The following MAN1C1 variants were observed in gnomAD, a reference collection of about 807,000 sequenced individuals.
The protein encoded by MAN1C1 is mannosyl-oligosaccharide 1,2-alpha-mannosidase IC.
Under a neutral mutation model 71.5 loss-of-function variants are expected in MAN1C1, and 49 were observed. That is an observed-to-expected ratio of 0.69 (90% CI 0.54 to 0.87). The LOEUF (loss-of-function observed/expected upper bound fraction) is 0.87, where lower values mean the gene tolerates loss of function less well. Ranked by LOEUF, MAN1C1 falls within the 40% of genes least tolerant of loss-of-function variation. The pLI, the probability that MAN1C1 is intolerant of heterozygous loss-of-function variation, is 0.00. For missense variants in MAN1C1, 743 were observed against 835.0 expected, an observed-to-expected ratio of 0.89 and a Z score of 1.36; for synonymous variants, 352 against 343.7, an observed-to-expected ratio of 1.02 and a Z score of -0.27.
intron 2 of MAN1C1, among the ~76,000 whole-genome samples, chr1:25,693,526 G>A (rs2046333369): frequency 6.6e-6 from 1 of 152,216 alleles, no homozygotes; most frequent in Non-Finnish European, 1.5e-5. Context: ...AGCTACTTGG[G>A]AGGCTGAGGC....
intron 1 of MAN1C1, among the ~76,000 whole-genome samples, chr1:25,628,627 C>G (rs1017142829): frequency 2.0e-5 from 3 of 152,066 alleles, no homozygotes; most frequent in Non-Finnish European, 4.4e-5. Context: ...ATTTTAATAG[C>G]TTTTGGAGTG....
chr1:25,650,720 C>T (rs2045679573), intron 1 of MAN1C1, among the ~76,000 whole-genome samples: 1 of 152,174 alleles, frequency 6.6e-6, no homozygotes, highest in Admixed American at 6.5e-5. Flanking sequence ...ATAAATCTAC[C>T]AAACTTGGAT....
At chr1:25,659,074 A>C (rs1043968890) in intron 1 of MAN1C1, 1 of 152,422 alleles carries the variant, frequency 6.6e-6, no homozygotes, top group African/African-American at 2.4e-5. Context: ...TGGAGCTGCG[A>C]AGGCACCCGC....
chr1:25,715,757 A>G (rs1389551725), intron 2 of MAN1C1, among the ~76,000 whole-genome samples: 2 of 152,230 alleles, frequency 1.3e-5, no homozygotes, highest in African/African-American at 4.8e-5. Flanking sequence ...CTGAGGCACT[A>G]AGGATGCTAG....
intron 1 of MAN1C1, among the ~76,000 whole-genome samples, chr1:25,621,698 A>C (rs1390428947): frequency 6.6e-6 from 1 of 151,728 alleles, no homozygotes; most frequent in Non-Finnish European, 1.5e-5. Flanking sequence ...GTCTTGGCTC[A>C]CTGCAGCCTC....
At chr1:25,680,363 T>G (rs894047336) in intron 1 of MAN1C1, among the ~76,000 whole-genome samples, 3 of 152,088 alleles carry the variant, frequency 2.0e-5, no homozygotes, top group African/African-American at 7.2e-5. Flanking sequence ...ATGCCCAGCC[T>G]CAGTCATTTT....
At chr1:25,744,820 C>T (rs781041985) in intron 2 of MAN1C1, among the ~76,000 whole-genome samples, 2 of 152,182 alleles carry the variant, frequency 1.3e-5, no homozygotes, top group Non-Finnish European at 2.9e-5. Flanking sequence ...GCCGCAAAGC[C>T]CACGCTGCAG....
intron 1 of MAN1C1, among the ~76,000 whole-genome samples, chr1:25,648,009 C>T (rs1269848081): frequency 2.6e-5 from 4 of 152,220 alleles, no homozygotes; most frequent in Non-Finnish European, 5.9e-5. Flanking sequence ...GAGCCCACAG[C>T]AGCCCCAATC....
At chr1:25,695,215 T>C (rs1288028261) in intron 2 of MAN1C1, among the ~76,000 whole-genome samples, 1 of 152,184 alleles carries the variant, frequency 6.6e-6, no homozygotes, top group East Asian at 1.9e-4. Context: ...GAAAAAGCTG[T>C]CATCAGCTTT....
intron 2 of MAN1C1, among the ~76,000 whole-genome samples, chr1:25,723,861 C>T (rs1311850518): frequency 1.3e-5 from 2 of 152,092 alleles, no homozygotes; most frequent in Admixed American, 6.6e-5. Flanking sequence ...TGAGGGGTAC[C>T]CTCTAGAGGC....
At chr1:25,729,360 C>T (rs2046878718) in intron 2 of MAN1C1, among the ~76,000 whole-genome samples, 1 of 152,222 alleles carries the variant, frequency 6.6e-6, no homozygotes, top group Non-Finnish European at 1.5e-5. Flanking sequence ...GAGTTAGCCA[C>T]TCGGCCAGCA....
At chr1:25,781,918 C>A (rs931691501) in intron 10 of MAN1C1, among the ~76,000 whole-genome samples, 2 of 152,136 alleles carry the variant, frequency 1.3e-5, no homozygotes, top group Admixed American at 1.3e-4. Context: ...CCCATCTATA[C>A]AGAAAAATAC....
At chr1:25,681,360 G>A (rs2046151091) in intron 1 of MAN1C1, among the ~76,000 whole-genome samples, 1 of 152,348 alleles carries the variant, frequency 6.6e-6, no homozygotes, top group Admixed American at 6.5e-5. Flanking sequence ...TCCCAGTGAA[G>A]ATGTGTAAGG....
At chr1:25,772,450 T>G (rs1283514356) in intron 8 of MAN1C1, 1 of 152,386 alleles carries the variant, frequency 6.6e-6, no homozygotes, top group African/African-American at 2.4e-5. Flanking sequence ...AGGGAATCAG[T>G]TAGCCTGAGC....
At chr1:25,682,072 G>A (rs759788370) in intron 1 of MAN1C1, among the ~76,000 whole-genome samples, 2 of 152,126 alleles carry the variant, frequency 1.3e-5, no homozygotes, top group Non-Finnish European at 2.9e-5. Context: ...GGGGTTGTAC[G>A]GATTGCTTGG....
At chr1:25,654,835 C>T (rs954232234) in intron 1 of MAN1C1, among the ~76,000 whole-genome samples, 1 of 152,088 alleles carries the variant, frequency 6.6e-6, no homozygotes, top group East Asian at 1.9e-4. Flanking sequence ...TTAGTAGAGA[C>T]GGGGTTTCAC....
rs2045110751 is a variant in MAN1C1 at position 25,617,151 on chromosome 1, T to C, written c.-647T>C. 6.6e-6 allele frequency among the ~76,000 whole-genome samples: 1 copy of C among 151,604 alleles called. No homozygotes were observed. The highest frequency in any genetic ancestry group is 2.4e-5 in the African/African-American group (1 of 41,336). On this transcript the variant is annotated 5_prime_UTR_variant, in exon 1 of 12. Transcript: ENST00000374332. This position sits in a 1 kb window ranked among gnomAD's most constrained non-coding sequence, Gnocchi z 5.1. ...CTCGGAAGTGCCTGCTCCTGCTCCC[T>C]GGCCACTCCGGCTCCCAGCTCCCGG...
chr1:25,720,660 C>T (rs2046750510), intron 2 of MAN1C1, among the ~76,000 whole-genome samples: 1 of 152,218 alleles, frequency 6.6e-6, no homozygotes, highest in African/African-American at 2.4e-5. Context: ...TAGTTTTCAG[C>T]ACCAAAGTTT....
intron 2 of MAN1C1, among the ~76,000 whole-genome samples, chr1:25,733,031 G>A (rs1287111930): frequency 6.6e-6 from 1 of 152,308 alleles, no homozygotes; most frequent in Non-Finnish European, 1.5e-5. Flanking sequence ...CTCTGGCACT[G>A]TCAAAGACAG....
Sources: allele counts gnomAD v4.1 joint callset (sites outside exome capture counted in the v4.1 genomes callset), GRCh38; gene constraint gnomAD v4.1.1; non-coding constraint Gnocchi (gnomAD v3.1); transcripts MANE v1.5; gene names NCBI Gene and HGNC (gene_info 2026-07-23, HGNC 2026-07-21).